The following KIAA1671 variants were observed in gnomAD, a reference collection of about 807,000 sequenced individuals.
KIAA1671 encodes the protein uncharacterized protein KIAA1671.
A neutral mutation model predicts 131.2 loss-of-function variants in KIAA1671; 52 were observed. That is an observed-to-expected ratio of 0.40 (90% confidence interval 0.32 to 0.50). KIAA1671 has a LOEUF of 0.50. Among genes scored for constraint, KIAA1671 ranks in the 20% least tolerant of loss-of-function variants. The probability of loss-of-function intolerance (pLI) is 0.73; values close to 1 mark genes in which losing one functional copy is unlikely to be tolerated. For missense variants in KIAA1671, 2,360 were observed against 2,364.2 expected (o/e 1.00, Z 0.04); for synonymous variants, 1,003 against 961.6 (o/e 1.04, Z -0.80).
At chr22:25,005,272 C>T (rs903729301) in intron 1 of KIAA1671, among the ~76,000 whole-genome samples, 3 of 149,360 alleles carry the variant, frequency 2.0e-5, no homozygotes, top group South Asian at 4.2e-4. Flanking sequence ...CGCTTGAACC[C>T]GGGAGGCGGA....
intron 1 of KIAA1671, among the ~76,000 whole-genome samples, chr22:24,964,044 T>A (rs1922162207): frequency 6.7e-6 from 1 of 149,600 alleles, no homozygotes. Flanking sequence ...AAAACAAAAA[T>A]AGGGCTGGAC....
At chr22:24,957,694 T>TTTTTTA (rs1921786319) in intron 1 of KIAA1671, among the ~76,000 whole-genome samples, 3 of 146,316 alleles carry the variant, frequency 2.1e-5, no homozygotes, top group African/African-American at 7.9e-5. Flanking sequence ...TTTTTTTTTT[T>TTTTTTA]GAGACGGAGT....
At chr22:25,169,512 G>C (rs1436988410) in intron 6 of KIAA1671, among the ~76,000 whole-genome samples, 1 of 151,578 alleles carries the variant, frequency 6.6e-6, no homozygotes, top group Non-Finnish European at 1.5e-5. Context: ...GTGTGCCAAC[G>C]GCCCATCCAA....
At chr22:25,156,466 TTGTGTGCATTTGTGTG>T (rs943822731) in intron 6 of KIAA1671, among the ~76,000 whole-genome samples, 1 of 151,952 alleles carries the variant, frequency 6.6e-6, no homozygotes, top group African/African-American at 2.4e-5. Context: ...GTGTACATGT[TTGTGTGCATTTGTGTG>T]TGTGTGCATG....
At chr22:25,073,409 T>C (rs1928932580) in intron 6 of KIAA1671, among the ~76,000 whole-genome samples, 1 of 152,014 alleles carries the variant, frequency 6.6e-6, no homozygotes, top group Non-Finnish European at 1.5e-5. Context: ...AAATGTTGTA[T>C]ACATTTAAAG....
At chr22:25,125,738 CA>C (rs1174813436) in intron 6 of KIAA1671, among the ~76,000 whole-genome samples, 1 of 152,218 alleles carries the variant, frequency 6.6e-6, no homozygotes, top group Non-Finnish European at 1.5e-5. Context: ...ATGTAAGGGG[CA>C]AAGTCACCCT....
intron 1 of KIAA1671, among the ~76,000 whole-genome samples, chr22:24,965,394 G>A (rs1922244406): frequency 6.7e-6 from 1 of 149,972 alleles, no homozygotes; most frequent in African/African-American, 2.5e-5. Context: ...CAGCCTGGGT[G>A]ACAAGAATGA....
intron 6 of KIAA1671, among the ~76,000 whole-genome samples, chr22:25,090,086 C>G (rs1398953896): frequency 6.6e-6 from 1 of 152,208 alleles, no homozygotes; most frequent in African/African-American, 2.4e-5. Context: ...CCCACCTCTG[C>G]CAGGGTTTCA....
chr22:25,155,208 T>C (rs572023476), intron 6 of KIAA1671, among the ~76,000 whole-genome samples: 1 of 152,348 alleles, frequency 6.6e-6, no homozygotes, highest in South Asian at 2.1e-4. Context: ...GAAGAGGCAG[T>C]CATTGTTTTG....
intron 6 of KIAA1671, among the ~76,000 whole-genome samples, chr22:25,069,021 T>A (rs1344476311): frequency 2.6e-5 from 4 of 152,182 alleles, no homozygotes; most frequent in African/African-American, 9.7e-5. Context: ...CTCTGGGTTA[T>A]GGCCTCGGCT....
chr22:25,068,343 A>C (rs6004417), intron 6 of KIAA1671, among the ~76,000 whole-genome samples: 1 of 152,134 alleles, frequency 6.6e-6, no homozygotes, highest in Admixed American at 6.5e-5. Flanking sequence ...GCTGAGAATC[A>C]ATGAAACCAC....
intron 6 of KIAA1671, among the ~76,000 whole-genome samples, chr22:25,138,819 A>G (rs1932761784): frequency 6.6e-6 from 1 of 152,164 alleles, no homozygotes; most frequent in Non-Finnish European, 1.5e-5. Flanking sequence ...GTTGCTGAGT[A>G]GCTCTTGGTG....
chr22:25,080,149 C>T (rs139308355), intron 6 of KIAA1671, among the ~76,000 whole-genome samples: 19 of 152,104 alleles, frequency 1.2e-4, no homozygotes, highest in South Asian at 4.2e-4. Context: ...GGGGGCAGAT[C>T]GGGACCCAGG....
chr22:24,973,648 G>A (rs1471310952), intron 1 of KIAA1671, among the ~76,000 whole-genome samples: 2 of 151,418 alleles, frequency 1.3e-5, no homozygotes, highest in Non-Finnish European at 2.9e-5. Flanking sequence ...TGCCTGCCTC[G>A]GCCTCCCAAA....
chr22:25,148,734 G>A (rs544717066), intron 6 of KIAA1671, among the ~76,000 whole-genome samples: 10 of 135,006 alleles, frequency 7.4e-5, no homozygotes, highest in African/African-American at 3.2e-4. Context: ...TGTTAGAAGG[G>A]CTCAGCTGAG....
chr22:24,965,428 G>A (rs904889637), intron 1 of KIAA1671, among the ~76,000 whole-genome samples: 5 of 150,366 alleles, frequency 3.3e-5, no homozygotes, highest in African/African-American at 7.3e-5. Context: ...AAAAAAAAAC[G>A]GGAGACCTCC....
chr22:25,132,724 G>A (rs904019837), intron 6 of KIAA1671, among the ~76,000 whole-genome samples: 2 of 152,160 alleles, frequency 1.3e-5, no homozygotes, highest in African/African-American at 4.8e-5. Flanking sequence ...CACTTTCACA[G>A]CCTGGACATT....
chr22:25,090,792 A>G (rs185712539), intron 6 of KIAA1671, among the ~76,000 whole-genome samples: 1 of 152,338 alleles, frequency 6.6e-6, no homozygotes, highest in East Asian at 1.9e-4. Flanking sequence ...CACAAAACCA[A>G]TGGATGGTGG....
chr22:25,113,701 G>A (rs973180762), intron 6 of KIAA1671, among the ~76,000 whole-genome samples: 7 of 152,226 alleles, frequency 4.6e-5, no homozygotes, highest in African/African-American at 1.7e-4. Context: ...CACGTGTCTC[G>A]TTCACAGGAC....
Sources: allele counts gnomAD v4.1 joint callset (sites outside exome capture counted in the v4.1 genomes callset), GRCh38; gene constraint gnomAD v4.1.1; transcripts MANE v1.5; gene names NCBI Gene and HGNC (gene_info 2026-07-23, HGNC 2026-07-21).